LPL: variants seen among roughly 807,000 people sequenced by gnomAD.
LPL encodes phospholipase A1.
A neutral mutation model predicts 52.2 loss-of-function variants in LPL; 43 were observed. The observed-to-expected ratio is 0.82, with a 90% confidence interval of 0.64 to 1.06. The LOEUF is 1.06. Ranked by LOEUF, LPL falls within the 50% of genes least tolerant of loss-of-function variation. The probability of loss-of-function intolerance (pLI) is 0.00; values close to 1 mark genes in which losing one functional copy is unlikely to be tolerated. For synonymous variants in LPL, 244 were observed against 215.6 expected (o/e 1.13, Z -1.15); for missense variants, 639 against 585.3 (o/e 1.09, Z -0.95).
At chr8:19,946,626 C>T in intron 1 of LPL, 1 of 211,446 alleles carries the variant, frequency 4.7e-6, no homozygotes, top group Non-Finnish European at 1.0e-5. Context: ...GTCCTCGCAG[C>T]CTCATGAATC....
rs1014993118 is a variant in LPL at position 19,951,814 on chromosome 8, C to T, written c.295C>T (p.Leu99=). 2 of 1,614,152 alleles carry T rather than the reference C, an allele frequency of 1.2e-6. No individual in the cohort carries two copies. Among genetic ancestry groups the T allele is most frequent in the Non-Finnish European group, 1.7e-6 (2 of 1,180,034 alleles). Residue 99 remains leucine (L), a synonymous_variant, in exon 3 of 10, where the codon CTG becomes TTG. Coordinates refer to ENST00000650287, the MANE Select transcript of LPL (RefSeq NM_000237.3). ...ESWVPKLVAA[L]YKREPDSNVI... is the part of the protein sequence containing the mutation. ...TTGGGTGCCAAAACTTGTGGCCGCC[C>T]TGTACAAGAGAGAACCAGACTCCAA...
chr8:19,939,593 T>C lies in LPL; in HGVS notation c.88+65T>C. On this transcript the variant is annotated intron_variant, in intron 1 of 9. Transcript: ENST00000650287. This position sits in a 1 kb window ranked among gnomAD's most constrained non-coding sequence, Gnocchi z 4.0. ...GGCGGGTGGCCACTGCCACCCGAAC[T>C]GAGGATGAGAAGAAGGAAGTTGGAA... The C allele has an allele frequency of 6.7e-7, 1 of 1,491,374 alleles. No individual in the cohort carries two copies. Among genetic ancestry groups the C allele is most frequent in the Non-Finnish European group, 9.1e-7 (1 of 1,094,632 alleles). The allele number at this position is 1,491,374 out of a possible 1,614,324, so 92.4% of individuals were successfully genotyped here.
At chr8:19,948,764 G>A (rs2069905736) in intron 2 of LPL, among the ~76,000 whole-genome samples, 1 of 152,156 alleles carries the variant, frequency 6.6e-6, no homozygotes, top group African/African-American at 2.4e-5. Context: ...AGGAAGTGTG[G>A]CGTCCATGCT....
chr8:19,953,530 G>A (rs1397026390), intron 4 of LPL, 109 bp downstream of exon 4: 14 of 764,808 alleles, frequency 1.8e-5, no homozygotes, highest in African/African-American at 3.4e-5. Flanking sequence ...TGTTCTTCCC[G>A]GAGACATGAC....
intron 2 of LPL, among the ~76,000 whole-genome samples, chr8:19,949,262 A>G (rs2069910993): frequency 6.6e-6 from 1 of 152,186 alleles, no homozygotes. Context: ...TCTAGTCCAC[A>G]TTTCTTTTCC....
chr8:19,939,381 C>A lies in LPL; in HGVS notation c.-60C>A, dbSNP rs1057174590. The A allele has an allele frequency of 1.3e-6, 2 of 1,524,074 alleles. No individual in the cohort carries two copies. Among genetic ancestry groups the A allele is most frequent in the South Asian group, 2.4e-5 (2 of 84,182 alleles). The allele number at this position is 1,524,074 out of a possible 1,614,324, so 94.4% of individuals were successfully genotyped here. On this transcript the variant is annotated 5_prime_UTR_variant, in exon 1 of 10. Coordinates refer to ENST00000650287, the MANE Select transcript of LPL (RefSeq NM_000237.3). This position sits in a 1 kb window ranked among gnomAD's most constrained non-coding sequence, Gnocchi z 4.0. The stretch of plus-strand genomic sequence containing the variant: ...GGCTCCAGCCCTCTCCAGCCTCCGG[C>A]TCAGCCGGCTCATCAGTCGGTCCGC...
At chr8:19,963,688 A>T (rs2070060069) in intron 9 of LPL, among the ~76,000 whole-genome samples, 1 of 152,106 alleles carries the variant, frequency 6.6e-6, no homozygotes, top group Non-Finnish European at 1.5e-5. Flanking sequence ...TCCTTTACAA[A>T]AATAGAATTA....
rs2070014133 is a variant in LPL, at chr8:19,959,122, ACAC to A, written c.1019-135_1019-133del. On this transcript the variant is annotated intron_variant, in intron 6 of 9. Coordinates refer to ENST00000650287, the MANE Select transcript of LPL (RefSeq NM_000237.3). The stretch of plus-strand genomic sequence containing the variant: ...GTGCATGATGAAGTCTTTCCAAGCC[ACAC>A]CAGTGGTTCCATGTGTGTGCACTTC... 2.0e-5 allele frequency: 20 copies of A among 1,003,484 alleles called. No homozygotes were observed. The Admixed American group carries it at 3.9e-4, about 19-fold the overall frequency. The allele number at this position is 1,003,484 out of a possible 1,614,324, so 62.2% of individuals were successfully genotyped here.
At chr8:19,961,643 T>A (rs77243948) in intron 8 of LPL, among the ~76,000 whole-genome samples, 1 of 152,124 alleles carries the variant, frequency 6.6e-6, no homozygotes, top group East Asian at 1.9e-4. Flanking sequence ...TAAGTTAGGA[T>A]TGACAAATTA....
Position 19,951,002 on chromosome 8 carries a change from A to G in LPL, c.250-767A>G, listed in dbSNP as rs1431504521. ...CTGGTAGTACAGAAAAACTTCTGAT[A>G]GAGGCCTAGAGTAAACCCGATTTTC... On this transcript the variant is annotated intron_variant, in intron 2 of 9. Transcript: ENST00000650287. Among the ~76,000 whole-genome samples, 12 of 152,218 alleles carry G rather than the reference A, an allele frequency of 7.9e-5. No homozygotes were observed. The East Asian group carries it at 2.1e-3, about 27-fold the overall frequency.
chr8:19,965,187 A>C, intron 9 of LPL, 123 bp from the exon 10 acceptor site: 1 of 719,002 alleles, frequency 1.4e-6, no homozygotes, highest in Non-Finnish European at 2.6e-6. Flanking sequence ...GTTTATTCTC[A>C]CAACCTTTGT....
Position 19,954,261 on chromosome 8 carries a change from G to C in LPL, c.683G>C (p.Gly228Ala), listed in dbSNP as rs747598008. ...AGCATTGGAATCCAGAAACCAGTTG[G>C]GCATGTTGACATTTACCCGAATGGA... is the stretch of plus-strand genomic sequence containing the variant. Reference protein sequence around the residue: ...GRSIGIQKPVGHVDIYPNGGT... With the variant: ...GRSIGIQKPVAHVDIYPNGGT... Residue 228 changes from glycine (G) to alanine (A), a missense_variant, in exon 5 of 10, where the codon GGG (glycine) becomes GCG (alanine). By Grantham distance (60) the Gly-to-Ala change is moderately conservative. Coordinates refer to ENST00000650287, the MANE Select transcript of LPL (RefSeq NM_000237.3). The C allele has an allele frequency of 1.1e-5, 18 of 1,614,018 alleles. No homozygotes were observed. The highest frequency in any genetic ancestry group is 1.4e-5 in the Non-Finnish European group (16 of 1,180,040).
intron 1 of LPL, among the ~76,000 whole-genome samples, chr8:19,947,963 G>C (rs1287675709): frequency 5.3e-5 from 8 of 152,140 alleles, no homozygotes; most frequent in African/African-American, 1.9e-4. Flanking sequence ...GAGGTCAATG[G>C]TGACAATCTT....
At chr8:19,959,953 T>A (rs2070023424) in intron 7 of LPL, among the ~76,000 whole-genome samples, 1 of 151,688 alleles carries the variant, frequency 6.6e-6, no homozygotes, top group Non-Finnish European at 1.5e-5. Flanking sequence ...CATGCCCAGC[T>A]AATTTTTGTA....
intron 9 of LPL, among the ~76,000 whole-genome samples, chr8:19,963,313 G>A (rs1479584566): frequency 6.6e-6 from 1 of 152,052 alleles, no homozygotes; most frequent in East Asian, 1.9e-4. Context: ...GCACATGCCT[G>A]TAATCCCAGC....
rs1201129865 is a variant in LPL, at chr8:19,955,881, T to C, written c.816T>C (p.Ile272=). ...QLVKCSHERS[I]HLFIDSLLNE... The stretch of plus-strand genomic sequence containing the variant: ...TGAAGTGCTCCCACGAGCGCTCCAT[T>C]CATCTCTTCATCGACTCTCTGTTGA... The change falls in exon 6 of 10, where the codon ATT becomes ATC. Residue 272 remains isoleucine (I), a synonymous_variant. Transcript: ENST00000650287. 1 of 1,614,200 alleles carries C rather than the reference T, an allele frequency of 6.2e-7. No individual in the cohort carries two copies. The highest frequency in any genetic ancestry group is 1.7e-5 in the Admixed American group (1 of 60,024).
chr8:19,952,068 CT>C (rs1760778162), intron 3 of LPL, 120 bp downstream of exon 3: 6 of 1,123,978 alleles, frequency 5.3e-6, no homozygotes, highest in Non-Finnish European at 7.9e-6. Context: ...GCATTCAAAT[CT>C]TCAGAATCAG....
rs1357871242 is a variant in LPL, at chr8:19,944,577, T to C, written c.89-3603T>C. ...GTTCATCTTACTCACGTGATGACTT[T>C]GATCTGCCTTTAAAGCACCATCTGC... On this transcript the variant is annotated intron_variant, in intron 1 of 9. Transcript: ENST00000650287. The surrounding 1 kb of genome is among the most constrained non-coding windows in gnomAD (Gnocchi z 4.2). 6.6e-6 allele frequency among the ~76,000 whole-genome samples: 1 copy of C among 152,230 alleles called. No individual in the cohort carries two copies. The highest frequency in any genetic ancestry group is 1.5e-5 in the Non-Finnish European group (1 of 68,046).
intron 4 of LPL, 28 bp downstream of exon 4, chr8:19,953,449 CA>C: frequency 6.6e-7 from 1 of 1,523,602 alleles, no homozygotes; most frequent in Non-Finnish European, 9.1e-7. Flanking sequence ...TTGGTCTTAT[CA>C]TAAGAGGTGA....
Sources: allele counts gnomAD v4.1 joint callset (sites outside exome capture counted in the v4.1 genomes callset), GRCh38; gene constraint gnomAD v4.1.1; non-coding constraint Gnocchi (gnomAD v3.1); transcripts MANE v1.5; gene names NCBI Gene and HGNC (gene_info 2026-07-23, HGNC 2026-07-21).